The following CSMD1 variants were observed in gnomAD, a reference collection of about 807,000 sequenced individuals.
CSMD1 encodes the protein CUB and sushi domain-containing protein 1.
CSMD1 carries 213 observed loss-of-function variants against 417.5 expected under a neutral mutation model. The observed-to-expected ratio is 0.51, with a 90% CI of 0.46 to 0.57. CSMD1 has a LOEUF of 0.57. Ranked by LOEUF, CSMD1 falls within the 20% of genes least tolerant of loss-of-function variation. The pLI, the probability that CSMD1 is intolerant of heterozygous loss-of-function variation, is 0.00. For missense variants in CSMD1, 6,923 were observed against 4,529.7 expected (o/e 1.53, Z -15.17); for synonymous variants, 2,862 against 1,736.8 (o/e 1.65, Z -16.11).
chr8:4,987,113 G>C (rs1811217226), intron 1 of CSMD1, among the ~76,000 whole-genome samples: 1 of 152,134 alleles, frequency 6.6e-6, no homozygotes, highest in African/African-American at 2.4e-5. Flanking sequence ...CATTCCCTAA[G>C]TGAGATTACG....
chr8:4,974,077 G>A (rs1190500955), intron 1 of CSMD1, among the ~76,000 whole-genome samples: 1 of 152,172 alleles, frequency 6.6e-6, no homozygotes, highest in East Asian at 1.9e-4. Flanking sequence ...CTGGAGAGTA[G>A]TGGTGCGATC....
chr8:4,439,200 T>TTATTAA (rs1563173817), intron 2 of CSMD1, among the ~76,000 whole-genome samples: 1 of 152,172 alleles, frequency 6.6e-6, no homozygotes, highest in Admixed American at 6.5e-5. Flanking sequence ...TTAAACACAT[T>TTATTAA]GCAAATTTCA....
At chr8:4,023,753 ATTTTTTTT>A (rs760333220) in intron 4 of CSMD1, among the ~76,000 whole-genome samples, 20 of 50,114 alleles carry the variant, frequency 4.0e-4, no homozygotes, top group East Asian at 1.0e-3. Context: ...CGCTCGGCTA[ATTTTTTTT>A]TTTTTTTTTT....
chr8:3,115,929 A>T (rs1412340439), intron 42 of CSMD1, among the ~76,000 whole-genome samples: 4 of 152,180 alleles, frequency 2.6e-5, no homozygotes, highest in Non-Finnish European at 4.4e-5. Flanking sequence ...TGACCTATAT[A>T]GCAATCACTG....
chr8:3,423,719 A>C (rs555657021), intron 12 of CSMD1, among the ~76,000 whole-genome samples: 39 of 152,304 alleles, frequency 2.6e-4, no homozygotes, highest in African/African-American at 9.1e-4. Flanking sequence ...CTTTGTGTGG[A>C]AATGTGTTTT....
At chr8:4,057,338 G>T (rs1257376400) in intron 3 of CSMD1, among the ~76,000 whole-genome samples, 1 of 152,174 alleles carries the variant, frequency 6.6e-6, no homozygotes, top group Admixed American at 6.5e-5. Context: ...CTTCTTTTGA[G>T]AAGTGTCTGT....
intron 2 of CSMD1, among the ~76,000 whole-genome samples, chr8:4,578,446 C>T (rs1215886520): frequency 6.8e-6 from 1 of 146,304 alleles, no homozygotes; most frequent in African/African-American, 2.5e-5. Context: ...GGGACTACAT[C>T]ATATTCTTCA....
At chr8:3,277,980 T>C (rs1444516849) in intron 26 of CSMD1, among the ~76,000 whole-genome samples, 1 of 152,164 alleles carries the variant, frequency 6.6e-6, no homozygotes, top group South Asian at 2.1e-4. Context: ...TGCAGAAACC[T>C]TCGTGGGTAT....
chr8:3,283,254 C>A (rs185471843), intron 26 of CSMD1, among the ~76,000 whole-genome samples: 1 of 152,114 alleles, frequency 6.6e-6, no homozygotes, highest in African/African-American at 2.4e-5. Flanking sequence ...GTTTGATTAG[C>A]AGGTTGTTTG....
At chr8:4,935,955 A>T (rs868430656) in intron 1 of CSMD1, among the ~76,000 whole-genome samples, 18 of 152,228 alleles carry the variant, frequency 1.2e-4, no homozygotes, top group Non-Finnish European at 1.6e-4. Context: ...TAGTACTTAC[A>T]CTGCCTTTTC....
intron 3 of CSMD1, among the ~76,000 whole-genome samples, chr8:4,219,994 G>A (rs541135076): frequency 1.6e-4 from 24 of 152,126 alleles, no homozygotes; most frequent in Admixed American, 6.5e-5. Flanking sequence ...CTGTCACCCA[G>A]GCTGGAGTGC....
intron 5 of CSMD1, among the ~76,000 whole-genome samples, chr8:3,764,279 CA>C (rs1176630302): frequency 6.6e-6 from 1 of 152,198 alleles, no homozygotes; most frequent in Non-Finnish European, 1.5e-5. Flanking sequence ...TGTTCCCGTC[CA>C]AACCCTGGTG....
At chr8:2,987,701 T>G (rs911733251) in intron 54 of CSMD1, among the ~76,000 whole-genome samples, 1 of 151,974 alleles carries the variant, frequency 6.6e-6, no homozygotes, top group Admixed American at 6.5e-5. Flanking sequence ...AGCACAAGAG[T>G]GATGCGGGTT....
At chr8:4,888,589 A>G (rs535242400) in intron 1 of CSMD1, among the ~76,000 whole-genome samples, 1 of 152,116 alleles carries the variant, frequency 6.6e-6, no homozygotes, top group Non-Finnish European at 1.5e-5. Context: ...ATCTGCTAAG[A>G]AGGACTACGG....
In CSMD1 at chr8:3,037,274, C is replaced by T. The variant is rs903324083; in HGVS notation, c.7661-7761G>A. ...AGGCTGGAGTGCAGTGGCGGGATCT[C>T]GGCTCACTGCAAGCTCCGCCTCCTG... On this transcript the variant is annotated intron_variant, in intron 50 of 69. Transcript: ENST00000635120. 1.4e-4 allele frequency among the ~76,000 whole-genome samples: 20 copies of T among 146,582 alleles called. No individual in the cohort carries two copies. The East Asian group carries it at 1.6e-3, about 11-fold the overall frequency.
intron 12 of CSMD1, among the ~76,000 whole-genome samples, chr8:3,417,655 AGAGAGAGT>A (rs759822444): frequency 2.2e-5 from 3 of 133,754 alleles, no homozygotes; most frequent in Admixed American, 7.5e-5. Context: ...TTTTCGCTGA[AGAGAGAGT>A]GAGTAAAAGC....
At chr8:3,386,910 T>C (rs568674900) in intron 18 of CSMD1, among the ~76,000 whole-genome samples, 37 of 152,142 alleles carry the variant, frequency 2.4e-4, no homozygotes, top group Non-Finnish European at 4.7e-4. Flanking sequence ...TAGTATAACG[T>C]TGAGCAATAC....
chr8:3,653,520 G>A (rs893862117), intron 7 of CSMD1, among the ~76,000 whole-genome samples: 1 of 152,274 alleles, frequency 6.6e-6, no homozygotes, highest in African/African-American at 2.4e-5. Context: ...TGTTGGCCAA[G>A]CTGGTCTCGA....
At chr8:4,483,761 A>C (rs2130147176) in intron 2 of CSMD1, among the ~76,000 whole-genome samples, 1 of 152,340 alleles carries the variant, frequency 6.6e-6, no homozygotes, top group East Asian at 1.9e-4. Context: ...AAAATAAATA[A>C]TTAAGAACTG....
Sources: allele counts gnomAD v4.1 joint callset (sites outside exome capture counted in the v4.1 genomes callset), GRCh38; gene constraint gnomAD v4.1.1; transcripts MANE v1.5; gene names NCBI Gene and HGNC (gene_info 2026-07-23, HGNC 2026-07-21).